CNBD1: variants seen among roughly 807,000 people sequenced by gnomAD.
CNBD1 encodes the protein cyclic nucleotide-binding domain-containing protein 1.
A neutral mutation model predicts 54.4 loss-of-function variants in CNBD1; 71 were observed. That is an observed-to-expected ratio of 1.30 (90% CI 1.08 to 1.59). The LOEUF is 1.59. Ranked by LOEUF, CNBD1 falls within the 40% of genes most tolerant of loss-of-function variation. CNBD1 has a pLI of 0.00. For synonymous variants in CNBD1, 182 were observed against 170.7 expected (o/e 1.07, Z -0.51); for missense variants, 659 against 518.0 (o/e 1.27, Z -2.64).
At chr8:87,098,594 A>G (rs1334102212) in intron 4 of CNBD1, among the ~76,000 whole-genome samples, 1 of 152,176 alleles carries the variant, frequency 6.6e-6, no homozygotes, top group Non-Finnish European at 1.5e-5. Context: ...TGTGGAAATC[A>G]GAATACATAT....
At chr8:87,404,461 C>T (rs1807620562) in intron 2 of CNBD1, among the ~76,000 whole-genome samples, 1 of 152,052 alleles carries the variant, frequency 6.6e-6, no homozygotes, top group African/African-American at 2.4e-5. Context: ...CCTGAACTTT[C>T]CCTCCACTTT....
At chr8:86,910,825 T>C (rs1021608205) in intron 3 of CNBD1, among the ~76,000 whole-genome samples, 5 of 152,120 alleles carry the variant, frequency 3.3e-5, no homozygotes, top group Non-Finnish European at 4.4e-5. Context: ...AGGGAAAAGT[T>C]CTCTCCTGCA....
intron 2 of CNBD1, among the ~76,000 whole-genome samples, chr8:87,401,742 G>A (rs966343919): frequency 6.6e-6 from 1 of 151,834 alleles, no homozygotes; most frequent in Non-Finnish European, 1.5e-5. Context: ...GTAGAAGCAT[G>A]GATTTTTTAA....
chr8:87,286,742 T>C, intron 8 of CNBD1, 71 bp downstream of exon 8: 1 of 1,021,488 alleles, frequency 9.8e-7, no homozygotes, highest in Non-Finnish European at 1.4e-6. Context: ...TTCTTCATAG[T>C]TGTAATATTT....
intron 4 of CNBD1, among the ~76,000 whole-genome samples, chr8:87,061,164 C>A (rs1810537164): frequency 6.6e-6 from 1 of 152,254 alleles, no homozygotes; most frequent in Non-Finnish European, 1.5e-5. Flanking sequence ...TCTCTTGTAC[C>A]ATTGGAAAAA....
At chr8:87,266,997 G>A (rs1808271563) in intron 6 of CNBD1, among the ~76,000 whole-genome samples, 1 of 151,798 alleles carries the variant, frequency 6.6e-6, no homozygotes, top group Non-Finnish European at 1.5e-5. Flanking sequence ...ACTTACAGAA[G>A]GAAACTATAT....
At chr8:87,075,621 A>G (rs1810853381) in intron 4 of CNBD1, among the ~76,000 whole-genome samples, 1 of 151,996 alleles carries the variant, frequency 6.6e-6, no homozygotes, top group Non-Finnish European at 1.5e-5. Flanking sequence ...AGGGAAGTCA[A>G]TTTGAAGTTG....
intron 4 of CNBD1, among the ~76,000 whole-genome samples, chr8:87,125,065 A>G (rs906143505): frequency 2.5e-4 from 38 of 151,908 alleles, no homozygotes; most frequent in African/African-American, 9.1e-4. Flanking sequence ...AACAAAAATT[A>G]AATACTTAGT....
At chr8:87,285,206 C>A (rs1808669534) in intron 7 of CNBD1, among the ~76,000 whole-genome samples, 1 of 152,038 alleles carries the variant, frequency 6.6e-6, no homozygotes. Context: ...TCTCTGTAGT[C>A]TACTTTAAAA....
chr8:87,348,788 ACTT>A (rs925265197), intron 8 of CNBD1, among the ~76,000 whole-genome samples: 2 of 152,108 alleles, frequency 1.3e-5, no homozygotes. Flanking sequence ...TCTTATCGTA[ACTT>A]CTTCTGGCTT....
chr8:87,054,897 G>C (rs1389572199), intron 4 of CNBD1, among the ~76,000 whole-genome samples: 3 of 152,204 alleles, frequency 2.0e-5, no homozygotes, highest in Non-Finnish European at 4.4e-5. Flanking sequence ...TGTCCCCTGA[G>C]TCTTGTAAGA....
chr8:87,378,936 C>T (rs1216330931), intron 10 of CNBD1, among the ~76,000 whole-genome samples: 1 of 149,090 alleles, frequency 6.7e-6, no homozygotes, highest in Admixed American at 6.7e-5. Context: ...GGAGTTCACT[C>T]ATGATTTGGC....
intron 6 of CNBD1, among the ~76,000 whole-genome samples, chr8:87,270,419 T>C (rs1808338149): frequency 6.6e-6 from 1 of 151,934 alleles, no homozygotes; most frequent in Non-Finnish European, 1.5e-5. Flanking sequence ...TGAGATACCA[T>C]CTCACGCCAG....
At chr8:86,909,209 C>A (rs142679865) in intron 3 of CNBD1, among the ~76,000 whole-genome samples, 1 of 152,232 alleles carries the variant, frequency 6.6e-6, no homozygotes, top group African/African-American at 2.4e-5. Flanking sequence ...TCCAGATTTA[C>A]ATCTATATCT....
chr8:87,343,459 A>G (rs1410928824), intron 8 of CNBD1, among the ~76,000 whole-genome samples: 2 of 152,330 alleles, frequency 1.3e-5, no homozygotes, highest in African/African-American at 2.4e-5. Context: ...AATCTTCACA[A>G]CTTAATTCTT....
intron 4 of CNBD1, among the ~76,000 whole-genome samples, chr8:87,049,386 G>A (rs1431213409): frequency 6.6e-6 from 1 of 152,184 alleles, no homozygotes; most frequent in East Asian, 1.9e-4. Flanking sequence ...GTTAGAATCA[G>A]TATAAATGTT....
chr8:86,989,400 G>C (rs1328166084), intron 4 of CNBD1, among the ~76,000 whole-genome samples: 1 of 152,008 alleles, frequency 6.6e-6, no homozygotes, highest in Non-Finnish European at 1.5e-5. Flanking sequence ...ACCTAGGTGT[G>C]GGACTGCTAG....
chr8:87,157,980 C>T lies in CNBD1; in HGVS notation c.432-48013C>T, dbSNP rs62527341. ...AATTCTAGATTTACTGCTTATTGCT[C>T]ATATGAGTATGAGCAAGTTACTATA... On this transcript the variant is annotated intron_variant, in intron 4 of 10. Transcript: ENST00000518476. Among the ~76,000 whole-genome samples the T allele has an allele frequency of 3.9e-3, 598 of 152,118 alleles. 2 individuals carry two copies. Among genetic ancestry groups the T allele is most frequent in the Non-Finnish European group, 6.6e-3 (450 of 68,014 alleles).
At chr8:87,280,585 T>C (rs1187662940) in intron 6 of CNBD1, among the ~76,000 whole-genome samples, 1 of 151,512 alleles carries the variant, frequency 6.6e-6, no homozygotes, top group African/African-American at 2.4e-5. Context: ...TACTTATGGA[T>C]CTTATTTAAT....
Sources: gnomAD v4.1 joint callset for allele counts (sites outside exome capture counted in the v4.1 genomes callset) on GRCh38, gnomAD v4.1.1 for gene constraint, MANE v1.5 for transcripts, NCBI Gene and HGNC (gene_info 2026-07-23, HGNC 2026-07-21) for gene names.